Variants in HS3ST5 observed in about 807,000 individuals in gnomAD.
HS3ST5 encodes heparan sulfate glucosamine 3-O-sulfotransferase 5.
A neutral mutation model predicts 25.4 loss-of-function variants in HS3ST5; 10 were observed. The ratio of observed to expected loss-of-function variants is 0.39; its 90% CI spans 0.24 to 0.67. HS3ST5 has a LOEUF of 0.67. Ranked by LOEUF, HS3ST5 falls within the 30% of genes least tolerant of loss-of-function variation. HS3ST5 has a pLI of 0.44. For missense variants in HS3ST5, 324 were observed against 420.7 expected, an observed-to-expected ratio of 0.77 and a Z score of 2.01; for synonymous variants, 170 against 162.4, an observed-to-expected ratio of 1.05 and a Z score of -0.36.
chr6:114,154,392 T>C (rs1025642157), intron 3 of HS3ST5, among the ~76,000 whole-genome samples: 1 of 152,148 alleles, frequency 6.6e-6, no homozygotes, highest in Non-Finnish European at 1.5e-5. Context: ...GTGTGGTGGC[T>C]CACACCTGTA....
chr6:114,313,247 C>T (rs1025465696), intron 1 of HS3ST5, among the ~76,000 whole-genome samples: 3 of 152,052 alleles, frequency 2.0e-5, no homozygotes, highest in East Asian at 1.9e-4. Context: ...CTGGAACTTA[C>T]GTTTCTGGTG....
intron 1 of HS3ST5, among the ~76,000 whole-genome samples, chr6:114,260,607 T>C (rs1773130007): frequency 6.6e-6 from 1 of 152,240 alleles, no homozygotes; most frequent in African/African-American, 2.4e-5. Flanking sequence ...TAACCATAGC[T>C]ATCATTGTCA....
intron 1 of HS3ST5, among the ~76,000 whole-genome samples, chr6:114,285,997 C>A (rs1425404375): frequency 2.0e-5 from 3 of 151,632 alleles, no homozygotes; most frequent in Non-Finnish European, 4.4e-5. Context: ...TCGAAATATA[C>A]ACGTATGGAA....
At chr6:114,142,155 C>A (rs532064516) in intron 3 of HS3ST5, among the ~76,000 whole-genome samples, 3 of 152,144 alleles carry the variant, frequency 2.0e-5, no homozygotes, top group Admixed American at 2.0e-4. Flanking sequence ...CTTAAGCTTT[C>A]CTGCTTGGAG....
chr6:114,095,686 C>A (rs6940137), intron 3 of HS3ST5, among the ~76,000 whole-genome samples: 38,049 of 151,856 alleles, frequency 0.25, 4,888 homozygotes, highest in African/African-American at 0.29. Context: ...CCTGCTTGGA[C>A]CAAATGTTCA....
At chr6:114,072,250 G>A (rs1013750976) in intron 3 of HS3ST5, among the ~76,000 whole-genome samples, 2 of 151,940 alleles carry the variant, frequency 1.3e-5, no homozygotes, top group African/African-American at 2.4e-5. Flanking sequence ...ATACTCTTAA[G>A]AGATTCTTGT....
chr6:114,320,938 A>G (rs1775946694), intron 1 of HS3ST5, among the ~76,000 whole-genome samples: 1 of 109,582 alleles, frequency 9.1e-6, no homozygotes, highest in Non-Finnish European at 1.9e-5. Context: ...ATATACATAT[A>G]TAATATATAA....
At chr6:114,290,447 A>G (rs1298357995) in intron 1 of HS3ST5, among the ~76,000 whole-genome samples, 1 of 152,110 alleles carries the variant, frequency 6.6e-6, no homozygotes, top group Non-Finnish European at 1.5e-5. Flanking sequence ...CCATCCTGAA[A>G]TTTTGTCTAT....
At chr6:114,240,113 C>T (rs996878292) in intron 1 of HS3ST5, among the ~76,000 whole-genome samples, 2 of 152,124 alleles carry the variant, frequency 1.3e-5, no homozygotes, top group African/African-American at 4.8e-5. Context: ...AAGGCTCTCC[C>T]TTTTCACAGG....
intron 3 of HS3ST5, among the ~76,000 whole-genome samples, chr6:114,151,388 T>C (rs189828048): frequency 7.8e-4 from 119 of 152,318 alleles, no homozygotes; most frequent in African/African-American, 2.1e-3. Flanking sequence ...GATTAAATTG[T>C]TATGGCATAG....
chr6:114,072,539 T>C (rs2114736204), intron 3 of HS3ST5, among the ~76,000 whole-genome samples: 1 of 152,328 alleles, frequency 6.6e-6, no homozygotes, highest in Non-Finnish European at 1.5e-5. Context: ...ACCTATGGTC[T>C]TGAGGTTAAG....
intron 1 of HS3ST5, among the ~76,000 whole-genome samples, chr6:114,254,809 TTGC>T (rs954106948): frequency 6.6e-5 from 10 of 152,056 alleles, no homozygotes; most frequent in Non-Finnish European, 1.3e-4. Flanking sequence ...ATGAGGGAAA[TTGC>T]TGCCATGATT....
intron 2 of HS3ST5, among the ~76,000 whole-genome samples, chr6:114,176,043 A>C (rs1323265051): frequency 6.6e-6 from 1 of 152,204 alleles, no homozygotes; most frequent in Non-Finnish European, 1.5e-5. Context: ...AATGGTAACA[A>C]AAAACAATTT....
intron 1 of HS3ST5, among the ~76,000 whole-genome samples, chr6:114,322,366 C>A (rs1776003523): frequency 6.6e-6 from 1 of 152,076 alleles, no homozygotes; most frequent in Non-Finnish European, 1.5e-5. Flanking sequence ...GTCTGCACAA[C>A]CTTTCCTAAT....
intron 2 of HS3ST5, among the ~76,000 whole-genome samples, chr6:114,182,543 A>G (rs1285245038): frequency 2.0e-5 from 3 of 152,220 alleles, no homozygotes; most frequent in African/African-American, 7.2e-5. Flanking sequence ...AGGAGCGTAT[A>G]GGAAGATTAG....
At chr6:114,104,188 C>A (rs1157150715) in intron 3 of HS3ST5, among the ~76,000 whole-genome samples, 1 of 151,952 alleles carries the variant, frequency 6.6e-6, no homozygotes, top group Admixed American at 6.6e-5. Flanking sequence ...ATCCTCTGAC[C>A]CCTAGTCTGA....
At chr6:114,180,653 T>C (rs1397198653) in intron 2 of HS3ST5, among the ~76,000 whole-genome samples, 1 of 152,182 alleles carries the variant, frequency 6.6e-6, no homozygotes, top group Non-Finnish European at 1.5e-5. Context: ...TTGTGTGCTT[T>C]TTCACTGTGT....
chr6:114,159,657 C>T (rs1288296346), intron 3 of HS3ST5, among the ~76,000 whole-genome samples: 1 of 152,134 alleles, frequency 6.6e-6, no homozygotes, highest in African/African-American at 2.4e-5. Flanking sequence ...TTGTGAAAAT[C>T]CAGTGAGCTA....
chr6:114,286,193 A>G (rs965139655), intron 1 of HS3ST5, among the ~76,000 whole-genome samples: 2 of 152,034 alleles, frequency 1.3e-5, no homozygotes, highest in Non-Finnish European at 1.5e-5. Context: ...AAAATGGTCA[A>G]ATTCATATAC....
Sources: gnomAD v4.1 joint callset for allele counts (sites outside exome capture counted in the v4.1 genomes callset) on GRCh38, gnomAD v4.1.1 for gene constraint, MANE v1.5 for transcripts, NCBI Gene and HGNC (gene_info 2026-07-23, HGNC 2026-07-21) for gene names.